Variants in BCKDHA observed in about 807,000 individuals in gnomAD.
The protein encoded by BCKDHA is 2-oxoisovalerate dehydrogenase subunit alpha, mitochondrial.
In BCKDHA, 43 loss-of-function variants were observed where a neutral mutation model predicts 52.2. The observed-to-expected ratio is 0.82, with a 90% confidence interval of 0.64 to 1.06. The LOEUF is 1.06. BCKDHA is among the 50% of genes least tolerant of loss of function. The pLI, the probability that BCKDHA is intolerant of heterozygous loss-of-function variation, is 0.00. For missense variants in BCKDHA, 527 were observed against 621.3 expected, an observed-to-expected ratio of 0.85 and a Z score of 1.61; for synonymous variants, 234 against 247.9, an observed-to-expected ratio of 0.94 and a Z score of 0.53.
chr19:41,410,656 A>G lies in BCKDHA; in HGVS notation c.128A>G (p.Gln43Arg), dbSNP rs1316134812. 2.5e-6 allele frequency: 4 copies of G among 1,614,198 alleles called. No individual in the cohort carries two copies. The highest frequency in any genetic ancestry group is 2.2e-5 in the East Asian group (1 of 44,884). Residue 43 changes from glutamine to arginine, a missense_variant, in exon 2 of 9, where the codon CAG (glutamine) becomes CGG (arginine). Coordinates refer to ENST00000269980, the MANE Select transcript of BCKDHA (RefSeq NM_000709.4). ...LARSHPPRQQ[Q>R]QFSSLDDKPQ... ...CCCCAGCACCCCCCCAGGCAGCAGC[A>G]GCAGTTTTCATCTCTGGATGACAAG...
chr19:41,413,417 A>C (rs573003192), intron 3 of BCKDHA, among the ~76,000 whole-genome samples: 177 of 152,194 alleles, frequency 1.2e-3, no homozygotes, highest in African/African-American at 3.7e-3. Flanking sequence ...CCCCTAGCAC[A>C]GCCGACTCAG....
At chr19:41,418,355 T>G (rs2039328352) in intron 4 of BCKDHA, among the ~76,000 whole-genome samples, 1 of 152,140 alleles carries the variant, frequency 6.6e-6, no homozygotes, top group East Asian at 1.9e-4. Flanking sequence ...CCCTTCTGTC[T>G]TCTAACTTCG....
chr19:41,404,267 A>G (rs959512435), intron 1 of BCKDHA, among the ~76,000 whole-genome samples: 15 of 151,766 alleles, frequency 9.9e-5, no homozygotes, highest in African/African-American at 2.7e-4. Flanking sequence ...AGCATAAGCC[A>G]CTGTGCCCGG....
At chr19:41,413,485 C>T (rs1014420208) in intron 3 of BCKDHA, among the ~76,000 whole-genome samples, 3 of 152,168 alleles carry the variant, frequency 2.0e-5, no homozygotes, top group Admixed American at 6.6e-5. Flanking sequence ...CAAGCTGGGC[C>T]TCTGCCCCCT....
intron 8 of BCKDHA, 48 bp from the exon 9 acceptor site, chr19:41,424,390 C>A (rs1471780087): frequency 6.2e-7 from 1 of 1,610,604 alleles, no homozygotes; most frequent in Admixed American, 1.7e-5. Flanking sequence ...GAAGCAGGGT[C>A]CTGCATGGGA....
At chr19:41,411,091 C>A in intron 3 of BCKDHA, 82 bp downstream of exon 3, 1 of 1,441,568 alleles carries the variant, frequency 6.9e-7, no homozygotes. Context: ...GAATGGCTCC[C>A]AAGGAGGACA....
At chr19:41,414,551 C>T (rs1599955669) in intron 4 of BCKDHA, among the ~76,000 whole-genome samples, 1 of 152,252 alleles carries the variant, frequency 6.6e-6, no homozygotes, top group East Asian at 1.9e-4. Flanking sequence ...CCCTGTCTGC[C>T]TGGTGCAGTG....
intron 1 of BCKDHA, among the ~76,000 whole-genome samples, chr19:41,404,295 T>C (rs1453008056): frequency 6.6e-6 from 1 of 151,888 alleles, no homozygotes; most frequent in Non-Finnish European, 1.5e-5. Context: ...TTTATTTATT[T>C]ATTTATTTTT....
chr19:41,402,127 C>A (rs1052446013), intron 1 of BCKDHA, among the ~76,000 whole-genome samples: 2 of 152,168 alleles, frequency 1.3e-5, no homozygotes, highest in African/African-American at 4.8e-5. Flanking sequence ...ACCATCAGAT[C>A]TCGTGAGACT....
At chr19:41,418,789 G>T in intron 4 of BCKDHA, 1 of 448,912 alleles carries the variant, frequency 2.2e-6, no homozygotes, top group South Asian at 1.6e-5. Flanking sequence ...ATCCTCCAAC[G>T]TCAGCCTCTC....
At chr19:41,411,095 G>A (rs1335151719) in intron 3 of BCKDHA, 86 bp downstream of exon 3, 1 of 1,434,854 alleles carries the variant, frequency 7.0e-7, no homozygotes, top group African/African-American at 1.4e-5. Context: ...GGCTCCCAAG[G>A]AGGACAGATT....
chr19:41,419,379 C>T (rs1479763970), intron 5 of BCKDHA, 83 bp downstream of exon 5: 1 of 1,513,968 alleles, frequency 6.6e-7, no homozygotes, highest in African/African-American at 1.4e-5. Flanking sequence ...TGCCTGCCTT[C>T]TGGGTGGAAT....
chr19:41,410,528 T>C, intron 1 of BCKDHA, 109 bp from the exon 2 acceptor site: 1 of 1,283,660 alleles, frequency 7.8e-7, no homozygotes, highest in Non-Finnish European at 1.1e-6. Context: ...CAGAGTTCAC[T>C]GGGGCCACAT....
intron 5 of BCKDHA, among the ~76,000 whole-genome samples, chr19:41,420,037 G>T (rs2039347800): frequency 6.6e-6 from 1 of 152,184 alleles, no homozygotes; most frequent in South Asian, 2.1e-4. Context: ...AAAGTGCTGG[G>T]ATTACAGATG....
chr19:41,403,538 G>T (rs180822781), intron 1 of BCKDHA, among the ~76,000 whole-genome samples: 30 of 152,196 alleles, frequency 2.0e-4, no homozygotes, highest in African/African-American at 7.2e-4. Context: ...GTCCCAGGGC[G>T]CCAGGCTTTC....
intron 8 of BCKDHA, among the ~76,000 whole-genome samples, chr19:41,423,505 C>T (rs917849817): frequency 1.3e-5 from 2 of 151,866 alleles, no homozygotes; most frequent in African/African-American, 2.4e-5. Flanking sequence ...AACAGCCTGG[C>T]CAAACATGGT....
intron 1 of BCKDHA, among the ~76,000 whole-genome samples, chr19:41,409,169 C>T (rs974391009): frequency 6.6e-6 from 1 of 152,156 alleles, no homozygotes; most frequent in Non-Finnish European, 1.5e-5. Context: ...AGGCTGGTCT[C>T]AGCCTCCCGA....
At chr19:41,422,913 C>T in intron 7 of BCKDHA, 85 bp from the exon 8 acceptor site, 1 of 1,572,004 alleles carries the variant, frequency 6.4e-7, no homozygotes, top group Non-Finnish European at 8.6e-7. Flanking sequence ...TTCCACTCCT[C>T]CTTCCCTAGT....
At chr19:41,419,376 C>CTTCTGGGTGGAA (rs1431848305) in intron 5 of BCKDHA, 80 bp downstream of exon 5, 1 of 1,519,656 alleles carries the variant, frequency 6.6e-7, no homozygotes. Flanking sequence ...TTTTGCCTGC[C>CTTCTGGGTGGAA]TTCTGGGTGG....
Sources: allele counts gnomAD v4.1 joint callset (sites outside exome capture counted in the v4.1 genomes callset), GRCh38; gene constraint gnomAD v4.1.1; transcripts MANE v1.5; gene names NCBI Gene and HGNC (gene_info 2026-07-23, HGNC 2026-07-21).